CGNL1: variants seen among roughly 807,000 people sequenced by gnomAD.
CGNL1 encodes cingulin like 1, also known as cingulin-like protein 1.
In CGNL1, 132 loss-of-function variants were observed where a neutral mutation model predicts 141.2. The observed-to-expected ratio is 0.93, with a 90% confidence interval of 0.81 to 1.08. The LOEUF (loss-of-function observed/expected upper bound fraction) is 1.08. Among genes scored for constraint, CGNL1 ranks in the 50% least tolerant of loss-of-function variants. The probability of loss-of-function intolerance (pLI) is 0.00; values close to 1 mark genes in which losing one functional copy is unlikely to be tolerated. For missense variants in CGNL1, 1,870 were observed against 1,588.6 expected, an observed-to-expected ratio of 1.18 and a Z score of -3.01; for synonymous variants, 690 against 622.1, an observed-to-expected ratio of 1.11 and a Z score of -1.63.
intron 8 of CGNL1, among the ~76,000 whole-genome samples, chr15:57,511,880 G>A (rs1308797176): frequency 1.3e-5 from 2 of 152,212 alleles, no homozygotes; most frequent in Non-Finnish European, 2.9e-5. Context: ...CACGTAGGTG[G>A]TAAGATACGG....
At chr15:57,521,330 AT>A in intron 10 of CGNL1, among the ~76,000 whole-genome samples, 1 of 152,162 alleles carries the variant, frequency 6.6e-6, no homozygotes, top group East Asian at 1.9e-4. Flanking sequence ...GCAAATGATT[AT>A]GGGCCCCATG....
intron 8 of CGNL1, among the ~76,000 whole-genome samples, chr15:57,496,026 A>C (rs1480309360): frequency 1.3e-5 from 2 of 152,180 alleles, no homozygotes; most frequent in Non-Finnish European, 2.9e-5. Context: ...TGTGGAATGG[A>C]GCCTCATGAA....
chr15:57,515,448 C>T (rs553425045), intron 8 of CGNL1, among the ~76,000 whole-genome samples: 1 of 152,332 alleles, frequency 6.6e-6, no homozygotes, highest in Admixed American at 6.5e-5. Flanking sequence ...AGATACTTCT[C>T]CCACATGGTC....
chr15:57,514,592 A>G (rs1013379942), intron 8 of CGNL1, among the ~76,000 whole-genome samples: 3 of 152,102 alleles, frequency 2.0e-5, no homozygotes, highest in African/African-American at 7.2e-5. Flanking sequence ...TTTGCAGCAC[A>G]AAAGTTTTAA....
At chr15:57,482,789 C>CT (rs139979065) in intron 8 of CGNL1, among the ~76,000 whole-genome samples, 10,718 of 146,020 alleles carry the variant, frequency 0.073, 748 homozygotes, top group African/African-American at 0.17. Context: ...TCTTTTCTCT[C>CT]TTTTTTTTTT....
intron 4 of CGNL1, among the ~76,000 whole-genome samples, chr15:57,448,180 C>T (rs2063280149): frequency 6.6e-6 from 1 of 152,074 alleles, no homozygotes; most frequent in Non-Finnish European, 1.5e-5. Context: ...CATGGTGGCT[C>T]ATGCTTGTAG....
intron 1 of CGNL1, among the ~76,000 whole-genome samples, chr15:57,382,992 C>T (rs78740110): frequency 0.14 from 21,607 of 152,104 alleles, 1,609 homozygotes; most frequent in Admixed American, 0.2. Flanking sequence ...TTGTAGCTGA[C>T]AGTATTAAAA....
intron 8 of CGNL1, among the ~76,000 whole-genome samples, chr15:57,509,759 A>T (rs988957809): frequency 2.0e-5 from 3 of 152,178 alleles, no homozygotes; most frequent in Non-Finnish European, 4.4e-5. Context: ...TACAATTGTT[A>T]TATTTCTTTT....
At position 57,438,481 on chromosome 15, in the gene CGNL1, A is replaced by C. The variant is rs780713092; in HGVS notation, c.482A>C (p.Glu161Ala). The change falls in exon 2 of 19, where the codon GAG becomes GCG. Residue 161 changes from glutamate to alanine, a missense_variant. By Grantham distance (107) the Glu-to-Ala change is moderately radical. Coordinates refer to ENST00000281282, the MANE Select transcript of CGNL1 (RefSeq NM_032866.5). Reference sequence around the variant, plus strand: ...CAACCCTATGACCCTGAAAAGAATGAGTTGAATTTACAAAATCACCAGCCT... The same window carrying C: ...CAACCCTATGACCCTGAAAAGAATGCGTTGAATTTACAAAATCACCAGCCT... The part of the protein sequence containing the change: ...LLQPYDPEKN[E>A]LNLQNHQPSE... 6.2e-7 allele frequency: 1 copy of C among 1,614,200 alleles called. No individual in the cohort carries two copies. The highest frequency in any genetic ancestry group is 8.5e-7 in the Non-Finnish European group (1 of 1,180,046).
chr15:57,483,463 G>A (rs1328406392), intron 8 of CGNL1, among the ~76,000 whole-genome samples: 1 of 106,844 alleles, frequency 9.4e-6, no homozygotes, highest in Non-Finnish European at 2.0e-5. Context: ...ATTCTACAAA[G>A]TTTTCTTTTT....
intron 1 of CGNL1, among the ~76,000 whole-genome samples, chr15:57,422,161 C>T (rs2062922645): frequency 6.6e-6 from 1 of 152,048 alleles, no homozygotes; most frequent in South Asian, 2.1e-4. Flanking sequence ...TTTTCATGGT[C>T]TGCCTTTTAT....
At position 57,438,188 on chromosome 15, in the gene CGNL1, C is replaced by G. The variant is rs774082923; in HGVS notation, c.189C>G (p.Cys63Trp). Residue 63 changes from cysteine to tryptophan, a missense_variant, in exon 2 of 19, where the codon TGC becomes TGG. Physicochemically the swap from Cys to Trp is radical, Grantham distance 215 (BLOSUM62 -2). Transcript: ENST00000281282. ...PYIVLNNTER[C>W]LAGTSFSENG... ...TTGTCCTGAATAACACAGAACGGTG[C>G]CTAGCAGGCACATCGTTTTCTGAAA... 6.2e-7 allele frequency: 1 copy of G among 1,614,114 alleles called. No homozygotes were observed. The highest frequency in any genetic ancestry group is 2.2e-5 in the East Asian group (1 of 44,864).
intron 8 of CGNL1, among the ~76,000 whole-genome samples, chr15:57,494,015 G>A (rs2063902495): frequency 6.6e-6 from 1 of 152,056 alleles, no homozygotes. Flanking sequence ...GTAACCCCCA[G>A]TACCTAGAAG....
At position 57,438,857 on chromosome 15, in the gene CGNL1, C is replaced by G. The variant is rs77028702; in HGVS notation, c.858C>G (p.Pro286=). 2.0e-4 allele frequency: 316 copies of G among 1,614,202 alleles called. 1 individual carries two copies. In the African/African-American group the frequency reaches 3.9e-3, roughly 20 times the overall value. ...TCCGGCGACAGGATTCAGCGGGACC[C>G]GTCCTGGATGGAGCTCGGTCCCGGA... The part of the protein sequence containing the change: ...LPFRRQDSAG[P]VLDGARSRRS... Residue 286 remains proline (P), a synonymous_variant, in exon 2 of 19, where the codon CCC becomes CCG. Transcript: ENST00000281282.
At chr15:57,487,365 T>TG (rs2063798757) in intron 8 of CGNL1, among the ~76,000 whole-genome samples, 2 of 91,442 alleles carry the variant, frequency 2.2e-5, no homozygotes, top group Non-Finnish European at 5.9e-5. Flanking sequence ...GTATACAGAG[T>TG]CAAAAAAAGG....
At chr15:57,539,422 T>C (rs2032442646) in intron 14 of CGNL1, among the ~76,000 whole-genome samples, 1 of 152,140 alleles carries the variant, frequency 6.6e-6, no homozygotes. Context: ...CCCTTCTCGA[T>C]GTCCACTGGT....
intron 1 of CGNL1, among the ~76,000 whole-genome samples, chr15:57,432,419 G>C (rs1313615540): frequency 6.6e-6 from 1 of 152,204 alleles, no homozygotes; most frequent in Non-Finnish European, 1.5e-5. Context: ...TCTTCCAAGA[G>C]CTAAGCCCTT....
intron 8 of CGNL1, among the ~76,000 whole-genome samples, chr15:57,512,588 T>C (rs140401085): frequency 0.017 from 2,564 of 152,308 alleles, 75 homozygotes; most frequent in African/African-American, 0.058. Flanking sequence ...AAAGTTAAGA[T>C]TGGAATAAAT....
At chr15:57,503,823 C>T (rs1203944679) in intron 8 of CGNL1, among the ~76,000 whole-genome samples, 2 of 152,168 alleles carry the variant, frequency 1.3e-5, no homozygotes, top group African/African-American at 4.8e-5. Context: ...GACTTGTTCA[C>T]TATCATGAGA....
Sources: allele counts gnomAD v4.1 joint callset (sites outside exome capture counted in the v4.1 genomes callset), GRCh38; gene constraint gnomAD v4.1.1; transcripts MANE v1.5; gene names NCBI Gene and HGNC (gene_info 2026-07-23, HGNC 2026-07-21).